CDH4: variants seen among roughly 807,000 people sequenced by gnomAD.
CDH4 encodes the protein cadherin 4.
A neutral mutation model predicts 86.0 loss-of-function variants in CDH4; 33 were observed. The ratio of observed to expected loss-of-function variants is 0.38; its 90% confidence interval spans 0.29 to 0.51. The LOEUF is 0.51. CDH4 is among the 20% of genes least tolerant of loss of function. CDH4 has a pLI of 0.86. For missense variants in CDH4, 1,114 were observed against 1,307.4 expected, an observed-to-expected ratio of 0.85 and a Z score of 2.28; for synonymous variants, 555 against 549.4, an observed-to-expected ratio of 1.01 and a Z score of -0.14.
intron 2 of CDH4, among the ~76,000 whole-genome samples, chr20:61,383,854 GAT>G (rs1370981158): frequency 1.2e-5 from 1 of 86,276 alleles, no homozygotes; most frequent in Non-Finnish European, 2.4e-5. Context: ...TATATATGAA[GAT>G]ATATATGCGT....
At chr20:61,768,031 G>T (rs1299920604) in intron 3 of CDH4, among the ~76,000 whole-genome samples, 1 of 152,174 alleles carries the variant, frequency 6.6e-6, no homozygotes, top group Non-Finnish European at 1.5e-5. Context: ...CACGAGCTTG[G>T]TTGGACCCCA....
rs113792829 is a variant in CDH4 at position 61,581,316 on chromosome 20, A to G, written c.170-162247A>G. Among the ~76,000 whole-genome samples, 483 of 152,330 alleles carry G rather than the reference A, an allele frequency of 3.2e-3. 4 individuals are homozygous for G. The highest frequency in any genetic ancestry group is 0.011 in the African/African-American group (458 of 41,566). The stretch of plus-strand genomic sequence containing the variant: ...AAACAACAGCGGTTTGTTCTCTTGC[A>G]GTTCTAGGGGTCAGAAGTCCAGAAT... On this transcript the variant is annotated intron_variant, in intron 2 of 15. Transcript: ENST00000614565.
At chr20:61,399,833 G>A (rs1034622632) in intron 2 of CDH4, among the ~76,000 whole-genome samples, 3 of 152,186 alleles carry the variant, frequency 2.0e-5, no homozygotes, top group Non-Finnish European at 4.4e-5. Flanking sequence ...CAGGGGCTCG[G>A]GGACAATGGT....
intron 4 of CDH4, among the ~76,000 whole-genome samples, chr20:61,806,826 G>A (rs1036016494): frequency 2.9e-4 from 44 of 152,264 alleles, no homozygotes; most frequent in Admixed American, 2.4e-3. Flanking sequence ...CTGTGAGTGG[G>A]AAGTGTCAGC....
intron 9 of CDH4, among the ~76,000 whole-genome samples, chr20:61,922,240 GT>G (rs1185650542): frequency 1.3e-5 from 2 of 152,200 alleles, no homozygotes; most frequent in East Asian, 3.8e-4. Flanking sequence ...AATGTGTTGT[GT>G]TTTTTTCCAG....
chr20:61,918,132 G>A (rs1171277614), intron 9 of CDH4, among the ~76,000 whole-genome samples: 1 of 152,346 alleles, frequency 6.6e-6, no homozygotes, highest in South Asian at 2.1e-4. Flanking sequence ...ACCCCAACAC[G>A]ATGTGGGTGC....
chr20:61,389,601 A>G (rs190164272), intron 2 of CDH4, among the ~76,000 whole-genome samples: 1 of 152,326 alleles, frequency 6.6e-6, no homozygotes, highest in East Asian at 1.9e-4. Context: ...AACGCCTCCC[A>G]GCGTCTTCAT....
chr20:61,422,450 AAAAAAAAAAAAAAAAAAC>A (rs752731592), intron 2 of CDH4, among the ~76,000 whole-genome samples: 8,188 of 118,292 alleles, frequency 0.069, 731 homozygotes, highest in East Asian at 0.1. Flanking sequence ...AAAAAAAAAA[AAAAAAAAAAAAAAAAAAC>A]CAAATCTCCC....
At position 61,769,651 on chromosome 20, in the gene CDH4, C is replaced by T. The variant is rs531740543; in HGVS notation, c.397-3352C>T. ...ATGGGCTTCATGAGTGCCTTGGCCTCGCATGGCAGGAAAGTGGGAATGATG... is the reference window on the plus strand; with the variant it reads ...ATGGGCTTCATGAGTGCCTTGGCCTTGCATGGCAGGAAAGTGGGAATGATG... On this transcript the variant is annotated intron_variant, in intron 3 of 15. Transcript: ENST00000614565. Among the ~76,000 whole-genome samples, 7 of 152,262 alleles carry T rather than the reference C, an allele frequency of 4.6e-5. No individual in the cohort carries two copies. The South Asian group carries it at 1.0e-3, about 23-fold the overall frequency.
chr20:61,295,841 G>A (rs1437684290), intron 2 of CDH4, among the ~76,000 whole-genome samples: 1 of 152,228 alleles, frequency 6.6e-6, no homozygotes, highest in East Asian at 1.9e-4. Context: ...CCAGCAGGGT[G>A]TGTCCTGGGG....
chr20:61,912,491 C>T (rs2122934287), intron 9 of CDH4, among the ~76,000 whole-genome samples: 1 of 152,312 alleles, frequency 6.6e-6, no homozygotes, highest in South Asian at 2.1e-4. Context: ...TTCAAACATA[C>T]ACACAAGCAG....
chr20:61,451,238 T>C (rs553597790), intron 2 of CDH4, among the ~76,000 whole-genome samples: 26 of 151,926 alleles, frequency 1.7e-4, no homozygotes, highest in African/African-American at 5.8e-4. Flanking sequence ...ATGGGCATGA[T>C]ACTTGGCACC....
chr20:61,394,603 C>T (rs764832621), intron 2 of CDH4, among the ~76,000 whole-genome samples: 5 of 151,644 alleles, frequency 3.3e-5, no homozygotes, highest in Admixed American at 6.6e-5. Context: ...GTGAGGACTG[C>T]GGCCAGGGGA....
At chr20:61,718,844 A>G (rs1341517585) in intron 2 of CDH4, 7 of 471,006 alleles carry the variant, frequency 1.5e-5, no homozygotes, top group African/African-American at 2.0e-5. Context: ...AGCTGGCTCT[A>G]TCTTGGACTT....
At chr20:61,451,876 T>G (rs761841756) in intron 2 of CDH4, among the ~76,000 whole-genome samples, 7 of 152,212 alleles carry the variant, frequency 4.6e-5, no homozygotes, top group Non-Finnish European at 8.8e-5. Flanking sequence ...ACTTCCCAGC[T>G]CTTCTCATGC....
In CDH4 at chr20:61,832,273, G is replaced by C. The variant is rs568853980; in HGVS notation, c.577-12395G>C. Among the ~76,000 whole-genome samples, 56 of 152,346 alleles carry C rather than the reference G, an allele frequency of 3.7e-4. 1 individual carries two copies. The South Asian group carries it at 0.011, about 31-fold the overall frequency. ...CCCAGCTCAAGGGCTTGTGAGCTGT[G>C]TGATCTTGGGTGAGTGACTCAACCT... On this transcript the variant is annotated intron_variant, in intron 4 of 15. Coordinates refer to ENST00000614565, the MANE Select transcript of CDH4 (RefSeq NM_001794.5).
At chr20:61,465,119 A>C (rs2085465475) in intron 2 of CDH4, among the ~76,000 whole-genome samples, 2 of 152,230 alleles carry the variant, frequency 1.3e-5, no homozygotes, top group Admixed American at 1.3e-4. Flanking sequence ...TCTGGCATAC[A>C]GAATGCTGGA....
At chr20:61,755,675 C>CATAT (rs1301191816) in intron 3 of CDH4, among the ~76,000 whole-genome samples, 3 of 151,550 alleles carry the variant, frequency 2.0e-5, no homozygotes, top group Non-Finnish European at 2.9e-5. Flanking sequence ...CCCCACACAC[C>CATAT]ATATACACCA....
At chr20:61,266,741 C>T (rs955669293) in intron 2 of CDH4, among the ~76,000 whole-genome samples, 11 of 152,130 alleles carry the variant, frequency 7.2e-5, no homozygotes, top group Middle Eastern at 6.8e-3. Flanking sequence ...AACTCCCTGC[C>T]TGGGGGGTGC....
Sources: allele counts gnomAD v4.1 joint callset (sites outside exome capture counted in the v4.1 genomes callset), GRCh38; gene constraint gnomAD v4.1.1; transcripts MANE v1.5; gene names NCBI Gene and HGNC (gene_info 2026-07-23, HGNC 2026-07-21).